Variants in MYH14 observed in about 807,000 individuals in gnomAD.
The protein encoded by MYH14 is myosin heavy chain 14, also known as myosin-14.
MYH14 carries 123 observed loss-of-function variants against 255.5 expected under a neutral mutation model. The observed-to-expected ratio is 0.48, with a 90% CI of 0.42 to 0.56. The LOEUF is 0.56. Ranked by LOEUF, MYH14 falls within the 20% of genes least tolerant of loss-of-function variation. The pLI is 0.00. For synonymous variants in MYH14, 1,095 were observed against 1,161.2 expected (o/e 0.94, Z 1.16); for missense variants, 2,423 against 2,802.3 (o/e 0.86, Z 3.06).
rs774821193 is a variant in MYH14 at position 50,210,396 on chromosome 19, C to T, written c.31C>T (p.Arg11Trp). The T allele has an allele frequency of 1.0e-5, 16 of 1,580,776 alleles. No individual in the cohort carries two copies. The highest frequency in any genetic ancestry group is 9.4e-5 in the East Asian group (4 of 42,362). ...AGCCGTGACCATGTCGGTGCCCGGG[C>T]GGAAGGCGCCCCCCAGGCCGGGCCC... is the stretch of plus-strand genomic sequence containing the variant. MAAVTMSVPG[R>W]KAPPRPGPVP... The change falls in exon 2 of 43, where the codon CGG becomes TGG. Residue 11 changes from arginine to tryptophan, a missense_variant. This residue lies in a region of MYH14 where 238 missense variants were observed against 245.8 expected (regional missense o/e 0.97). Transcript: ENST00000642316.
At chr19:50,225,508 AC>A (rs2033046432) in intron 6 of MYH14, 76 bp from the exon 7 acceptor site, 2 of 1,117,652 alleles carry the variant, frequency 1.8e-6, no homozygotes, top group South Asian at 2.7e-5. Context: ...TCAGCTGGAG[AC>A]ACAGCCCGAG....
At chr19:50,237,326 C>CT (rs1423008353) in intron 10 of MYH14, among the ~76,000 whole-genome samples, 63 of 129,058 alleles carry the variant, frequency 4.9e-4, no homozygotes, top group African/African-American at 1.8e-3. Context: ...CAGGTGTGAA[C>CT]ATTTTTTTTT....
Position 50,286,671 on chromosome 19 carries a change from A to G in MYH14, c.4729A>G (p.Ser1577Gly), listed in dbSNP as rs1393534392. The change falls in exon 34 of 43, where the codon AGC (serine) becomes GGC (glycine). Residue 1577 changes from serine (S) to glycine (G), a missense_variant. This residue lies in a region of MYH14 where 1,513 missense variants were observed against 1,674.8 expected (regional missense o/e 0.90). Coordinates refer to ENST00000642316, the MANE Select transcript of MYH14 (RefSeq NM_001145809.2). ...GGCTGAGCTGGAGGCACTGCTGAGCAGCAAGGATGACGTCGGCAAGAGCGT... is the reference window on the plus strand; with the variant it reads ...GGCTGAGCTGGAGGCACTGCTGAGCGGCAAGGATGACGTCGGCAAGAGCGT... ...LRAELEALLS[S>G]KDDVGKSVHE... 12 of 1,580,256 alleles carry G rather than the reference A, an allele frequency of 7.6e-6. No individual in the cohort carries two copies. The highest frequency in any genetic ancestry group is 1.0e-5 in the Non-Finnish European group (12 of 1,164,196).
At chr19:50,264,712 C>CT (rs1196336412) in intron 22 of MYH14, among the ~76,000 whole-genome samples, 1 of 152,184 alleles carries the variant, frequency 6.6e-6, no homozygotes, top group Non-Finnish European at 1.5e-5. Flanking sequence ...AGCCTGGTCT[C>CT]TCTTATCATA....
chr19:50,298,807 T>C (rs1203516598), intron 39 of MYH14, among the ~76,000 whole-genome samples: 3 of 148,298 alleles, frequency 2.0e-5, no homozygotes, highest in Non-Finnish European at 4.5e-5. Flanking sequence ...AAAGATCGGG[T>C]GCAGTGGCTC....
chr19:50,254,131 C>T (rs1419522586), intron 16 of MYH14, among the ~76,000 whole-genome samples: 2 of 151,262 alleles, frequency 1.3e-5, no homozygotes, highest in Admixed American at 6.6e-5. Flanking sequence ...GCAGGGGAAT[C>T]GCTTGAACCC....
chr19:50,210,882 C>T, intron 2 of MYH14, 112 bp downstream of exon 2: 2 of 1,470,514 alleles, frequency 1.4e-6, no homozygotes, highest in African/African-American at 1.5e-5. Context: ...CATCTGTATC[C>T]CATGTCCCGT....
chr19:50,278,323 G>T, intron 30 of MYH14, 34 bp downstream of exon 30: 2 of 1,460,762 alleles, frequency 1.4e-6, no homozygotes, highest in Admixed American at 2.2e-5. Flanking sequence ...GGTTTCTGCT[G>T]TGTGACCTTG....
intron 2 of MYH14, among the ~76,000 whole-genome samples, chr19:50,211,150 A>G (rs2032174982): frequency 1.3e-5 from 2 of 152,262 alleles, no homozygotes; most frequent in South Asian, 4.1e-4. Flanking sequence ...CTGGGCAACA[A>G]AACGAGACCC....
Position 50,250,648 on chromosome 19 carries a change from GGGATCA to G in MYH14, c.1793_1798del (p.Asp598_Gln599del), listed in dbSNP as rs1568499459. ...AAGTTCCAGCGGCCGAGGCACCTGC[GGGATCA>G]GGCCGACTTCAGTGTTCTCCACTAC... On this transcript the variant is annotated inframe_deletion, in exon 15 of 43. Transcript: ENST00000642316. This position sits in a 1 kb window ranked among gnomAD's most constrained non-coding sequence, Gnocchi z 5.4. The G allele has an allele frequency of 5.6e-6, 9 of 1,613,942 alleles. No homozygotes were observed. Among genetic ancestry groups the G allele is most frequent in the Non-Finnish European group, 7.6e-6 (9 of 1,179,844 alleles).
chr19:50,220,430 T>C (rs979298684), intron 3 of MYH14, among the ~76,000 whole-genome samples: 5 of 149,896 alleles, frequency 3.3e-5, no homozygotes, highest in Non-Finnish European at 7.4e-5. Flanking sequence ...ATTATATAAA[T>C]GTAATGTTGA....
chr19:50,272,029 C>T (rs2035322413), intron 26 of MYH14, 57 bp downstream of exon 26: 7 of 1,578,236 alleles, frequency 4.4e-6, no homozygotes, highest in East Asian at 2.3e-5. Flanking sequence ...GGACCTCAGG[C>T]AAGCCCCATG....
At chr19:50,244,413 C>A in intron 11 of MYH14, 76 bp downstream of exon 11, 1 of 1,119,154 alleles carries the variant, frequency 8.9e-7, no homozygotes, top group East Asian at 2.4e-5. Context: ...CACCCCTGTC[C>A]CACGTAGAGA....
chr19:50,237,714 A>G (rs2033723714), intron 10 of MYH14, among the ~76,000 whole-genome samples: 1 of 152,216 alleles, frequency 6.6e-6, no homozygotes, highest in Non-Finnish European at 1.5e-5. Context: ...ATATACCTGG[A>G]GCACCTGTGT....
At chr19:50,210,170 AGAAT>A (rs1278020627) in intron 1 of MYH14, among the ~76,000 whole-genome samples, 189 bp from the exon 2 acceptor site, 16 of 151,866 alleles carry the variant, frequency 1.1e-4, no homozygotes, top group Non-Finnish European at 2.1e-4. Context: ...AGCTTATTAA[AGAAT>A]GAATGAGTGC....
chr19:50,224,045 T>TCCCCCCCCC, intron 5 of MYH14, 109 bp from the exon 6 acceptor site: 1 of 316,164 alleles, frequency 3.2e-6, no homozygotes, highest in Admixed American at 4.9e-5. Context: ...CCAGTCCCCC[T>TCCCCCCCCC]TCCCCCACCC....
At chr19:50,227,104 A>G (rs537603923) in intron 8 of MYH14, 138 bp downstream of exon 8, 2 of 427,274 alleles carry the variant, frequency 4.7e-6, no homozygotes, top group Non-Finnish European at 9.7e-6. Context: ...CGGCATCTGC[A>G]TGGGGAGGGG....
At chr19:50,260,813 G>A (rs2034810076) in intron 20 of MYH14, 98 bp downstream of exon 20, 7 of 794,422 alleles carry the variant, frequency 8.8e-6, no homozygotes, top group Admixed American at 7.4e-5. Context: ...GTGCATGCGT[G>A]TGTGTGCAAG....
intron 10 of MYH14, 37 bp downstream of exon 10, chr19:50,232,107 A>C (rs752669017): frequency 1.2e-6 from 2 of 1,604,436 alleles, no homozygotes; most frequent in African/African-American, 1.3e-5. Flanking sequence ...GTAGGGGGGA[A>C]CCCCACGGAG....
Sources: gnomAD v4.1 joint callset for allele counts (sites outside exome capture counted in the v4.1 genomes callset) on GRCh38, gnomAD v4.1.1 for gene constraint, gnomAD v4.1.1 regional missense constraint, Gnocchi (gnomAD v3.1) non-coding constraint, MANE v1.5 for transcripts, NCBI Gene and HGNC (gene_info 2026-07-23, HGNC 2026-07-21) for gene names.